PTPRT: variants seen among roughly 807,000 people sequenced by gnomAD.
PTPRT encodes the protein protein tyrosine phosphatase receptor type T, also known as receptor-type tyrosine-protein phosphatase T.
PTPRT carries 56 observed loss-of-function variants against 176.8 expected under a neutral mutation model. The ratio of observed to expected loss-of-function variants is 0.32; its 90% CI spans 0.26 to 0.40. The LOEUF is 0.40. Ranked by LOEUF, PTPRT falls within the 10% of genes least tolerant of loss-of-function variation. The probability of loss-of-function intolerance (pLI) is 1.00; values close to 1 mark genes in which losing one functional copy is unlikely to be tolerated. For synonymous variants in PTPRT, 783 were observed against 739.0 expected (o/e 1.06, Z -0.96); for missense variants, 1,540 against 1,908.2 (o/e 0.81, Z 3.60).
At chr20:42,708,704 C>T (rs2076098306) in intron 6 of PTPRT, among the ~76,000 whole-genome samples, 1 of 152,176 alleles carries the variant, frequency 6.6e-6, no homozygotes. Context: ...CATTCTGTGG[C>T]CTCAGTGCCC....
chr20:42,217,680 T>C (rs1372073002), intron 15 of PTPRT, among the ~76,000 whole-genome samples: 1 of 152,170 alleles, frequency 6.6e-6, no homozygotes, highest in Non-Finnish European at 1.5e-5. Flanking sequence ...CCTAGTGCAC[T>C]GCGGGATGCT....
intron 9 of PTPRT, among the ~76,000 whole-genome samples, chr20:42,433,900 C>T (rs997998546): frequency 6.6e-6 from 1 of 152,140 alleles, no homozygotes; most frequent in Non-Finnish European, 1.5e-5. Flanking sequence ...AGATCCAGTT[C>T]ACTCTTATCA....
intron 2 of PTPRT, among the ~76,000 whole-genome samples, chr20:42,861,472 C>T (rs2078659280): frequency 1.3e-5 from 2 of 152,064 alleles, no homozygotes; most frequent in South Asian, 4.2e-4. Flanking sequence ...GACACTTATT[C>T]ATTCATTCAT....
intron 1 of PTPRT, among the ~76,000 whole-genome samples, chr20:42,907,320 C>T (rs940147623): frequency 8.5e-5 from 13 of 152,098 alleles, no homozygotes; most frequent in African/African-American, 3.1e-4. Context: ...GATTAGGAGA[C>T]AGATCCGTGT....
At chr20:42,145,010 G>A (rs950737818) in intron 17 of PTPRT, among the ~76,000 whole-genome samples, 3 of 152,072 alleles carry the variant, frequency 2.0e-5, no homozygotes, top group Admixed American at 6.5e-5. Flanking sequence ...AGTCAACCTG[G>A]GTGAGTCTTT....
At chr20:42,184,518 C>CTTCTTCTTCTT (rs1555797923) in intron 16 of PTPRT, among the ~76,000 whole-genome samples, 27 of 54,396 alleles carry the variant, frequency 5.0e-4, no homozygotes, top group South Asian at 8.1e-4. Context: ...TCCTCCTCCT[C>CTTCTTCTTCTT]CTTCTTCTTC....
intron 1 of PTPRT, among the ~76,000 whole-genome samples, chr20:42,977,566 A>G (rs1983021969): frequency 6.6e-6 from 1 of 152,200 alleles, no homozygotes. Context: ...AAGAACTGTT[A>G]ATACTTTGTT....
chr20:42,754,628 A>G (rs75666970), intron 6 of PTPRT, among the ~76,000 whole-genome samples: 2,880 of 152,256 alleles, frequency 0.019, 98 homozygotes, highest in African/African-American at 0.064. Context: ...ATAGGAGCTT[A>G]ATGCCATCAA....
In PTPRT at chr20:42,552,396, A is replaced by C. The variant is rs531027173; in HGVS notation, c.1154-79834T>G. Among the ~76,000 whole-genome samples, 7 of 152,290 alleles carry C rather than the reference A, an allele frequency of 4.6e-5. No individual in the cohort carries two copies. In the South Asian group the frequency reaches 1.5e-3, roughly 32 times the overall value. On this transcript the variant is annotated intron_variant, in intron 7 of 30. Transcript: ENST00000373187. The stretch of plus-strand genomic sequence containing the variant: ...GATCAATGCAGCAGAACAATGTTAC[A>C]TTATTCAATAGTCTTGCCATAATGG...
At chr20:42,917,848 T>C (rs755801693) in intron 1 of PTPRT, among the ~76,000 whole-genome samples, 3 of 152,200 alleles carry the variant, frequency 2.0e-5, no homozygotes, top group African/African-American at 4.8e-5. Flanking sequence ...CTCCATCTCA[T>C]ACAAAAGGAA....
chr20:42,862,650 G>A (rs552716883), intron 2 of PTPRT, among the ~76,000 whole-genome samples: 6 of 152,268 alleles, frequency 3.9e-5, no homozygotes, highest in South Asian at 4.1e-4. Flanking sequence ...ACAGCTTTTC[G>A]TTTGGAAAAG....
At chr20:42,637,250 G>A (rs2074623234) in intron 7 of PTPRT, among the ~76,000 whole-genome samples, 1 of 152,138 alleles carries the variant, frequency 6.6e-6, no homozygotes, top group African/African-American at 2.4e-5. Context: ...TCACTTAGAA[G>A]CCAGAATGGT....
chr20:42,083,275 G>A (rs777024737), intron 29 of PTPRT, among the ~76,000 whole-genome samples: 3 of 152,182 alleles, frequency 2.0e-5, no homozygotes, highest in Non-Finnish European at 4.4e-5. Context: ...GGGCCTGGTG[G>A]TGTGAGACCC....
chr20:42,934,772 C>A (rs1486715755), intron 1 of PTPRT, among the ~76,000 whole-genome samples: 2 of 152,052 alleles, frequency 1.3e-5, no homozygotes, highest in Non-Finnish European at 2.9e-5. Flanking sequence ...AGAATGCTAG[C>A]AAGATGAAAG....
At chr20:42,070,005 A>T (rs150658743), downstream of PTPRT, among the ~76,000 whole-genome samples, 8 of 152,308 alleles carry the variant, frequency 5.3e-5, no homozygotes, top group Admixed American at 4.6e-4. Context: ...CACTCAGGCC[A>T]AGCCTTTGTT....
intron 9 of PTPRT, among the ~76,000 whole-genome samples, chr20:42,424,344 C>T (rs2145779970): frequency 6.6e-6 from 1 of 152,256 alleles, no homozygotes; most frequent in Admixed American, 6.5e-5. Flanking sequence ...CAAGGTTACT[C>T]CAAGGGCATT....
At position 42,633,818 on chromosome 20, in the gene PTPRT, T is replaced by TATATATATATATATATATAA. The variant is rs1491342115; in HGVS notation, c.1153+44047_1153+44048insTTATATATATATATATATAT. 1.2e-3 allele frequency among the ~76,000 whole-genome samples: 67 copies of TATATATATATATATATATAA among 57,684 alleles called. 1 individual carries two copies. The highest frequency in any genetic ancestry group is 5.3e-3 in the African/African-American group (65 of 12,284). 37.8% of individuals were successfully genotyped at this position (57,684 alleles called of 152,430 possible). The stretch of plus-strand genomic sequence containing the variant: ...ATATATATATATATATATATATATA[T>TATATATATATATATATATAA]AATAAAATATTAATATATTATAATA... On this transcript the variant is annotated intron_variant, in intron 7 of 30. Coordinates refer to ENST00000373187, the MANE Select transcript of PTPRT (RefSeq NM_007050.6).
chr20:42,647,683 G>A (rs1389722589), intron 7 of PTPRT, among the ~76,000 whole-genome samples: 1 of 152,162 alleles, frequency 6.6e-6, no homozygotes, highest in African/African-American at 2.4e-5. Context: ...GCTTGTGAAA[G>A]GAGTCATGGG....
intron 2 of PTPRT, among the ~76,000 whole-genome samples, chr20:42,862,666 C>T (rs973600873): frequency 6.6e-6 from 1 of 152,146 alleles, no homozygotes; most frequent in African/African-American, 2.4e-5. Flanking sequence ...AAAAGCACCT[C>T]GAATGTGCCG....
Sources: gnomAD v4.1 joint callset for allele counts (sites outside exome capture counted in the v4.1 genomes callset) on GRCh38, gnomAD v4.1.1 for gene constraint, MANE v1.5 for transcripts, NCBI Gene and HGNC (gene_info 2026-07-23, HGNC 2026-07-21) for gene names.